The following PCDH15 variants were observed in gnomAD, a reference collection of about 807,000 sequenced individuals.
PCDH15 encodes protocadherin related 15.
A neutral mutation model predicts 178.5 loss-of-function variants in PCDH15; 129 were observed. The ratio of observed to expected loss-of-function variants is 0.72; its 90% CI spans 0.63 to 0.84. The LOEUF (loss-of-function observed/expected upper bound fraction) is 0.84. PCDH15 is among the 40% of genes least tolerant of loss of function. The probability of loss-of-function intolerance (pLI) is 0.00; values close to 1 mark genes in which losing one functional copy is unlikely to be tolerated. For synonymous variants in PCDH15, 800 were observed against 732.0 expected, an observed-to-expected ratio of 1.09 and a Z score of -1.50; for missense variants, 2,230 against 2,099.9, an observed-to-expected ratio of 1.06 and a Z score of -1.21.
At chr10:55,152,474 G>C (rs73263546) in intron 2 of PCDH15, among the ~76,000 whole-genome samples, 2,078 of 152,246 alleles carry the variant, frequency 0.014, 37 homozygotes, top group African/African-American at 0.045. Context: ...GAAAATGGTG[G>C]CAGATAAATT....
At chr10:54,836,483 C>G (rs1055902854) in intron 3 of PCDH15, among the ~76,000 whole-genome samples, 1 of 152,008 alleles carries the variant, frequency 6.6e-6, no homozygotes. Flanking sequence ...AAGTAATCCA[C>G]CCTATACTGC....
chr10:55,088,138 T>C (rs10763180), intron 2 of PCDH15, among the ~76,000 whole-genome samples: 12,543 of 152,158 alleles, frequency 0.082, 609 homozygotes, highest in East Asian at 0.22. Context: ...GAATTATCTA[T>C]GTCTATCATA....
intron 3 of PCDH15, among the ~76,000 whole-genome samples, chr10:54,814,286 G>A (rs543774425): frequency 1.3e-5 from 2 of 152,062 alleles, no homozygotes; most frequent in Non-Finnish European, 2.9e-5. Context: ...CATAATGACT[G>A]GCACAGAGCA....
chr10:54,148,496 C>T (rs1200526942), intron 14 of PCDH15, among the ~76,000 whole-genome samples: 4 of 151,918 alleles, frequency 2.6e-5, no homozygotes, highest in Non-Finnish European at 4.4e-5. Context: ...AAAAAGTCTG[C>T]GCATGTTCAG....
At chr10:55,269,974 G>A (rs1842398961) in intron 1 of PCDH15, among the ~76,000 whole-genome samples, 1 of 152,010 alleles carries the variant, frequency 6.6e-6, no homozygotes, top group Admixed American at 6.6e-5. Flanking sequence ...TGGAAATAAA[G>A]TTGAACAGTT....
At chr10:53,969,814 A>G (rs865837817) in intron 21 of PCDH15, among the ~76,000 whole-genome samples, 23 of 152,320 alleles carry the variant, frequency 1.5e-4, no homozygotes, top group African/African-American at 4.1e-4. Flanking sequence ...ATGCTGAGAT[A>G]TTTTGTCACC....
chr10:54,857,763 A>C (rs954779928), intron 3 of PCDH15, among the ~76,000 whole-genome samples: 1 of 152,064 alleles, frequency 6.6e-6, no homozygotes, highest in African/African-American at 2.4e-5. Flanking sequence ...AATAACTTTT[A>C]AAGTTGAATT....
At chr10:54,335,433 G>C (rs1252338346) in intron 6 of PCDH15, among the ~76,000 whole-genome samples, 1 of 152,166 alleles carries the variant, frequency 6.6e-6, no homozygotes, top group East Asian at 1.9e-4. Context: ...TATGGTTTGG[G>C]TGTGTCCTCA....
At chr10:54,742,061 A>G (rs552549086) in intron 1 of PCDH15, among the ~76,000 whole-genome samples, 4 of 152,050 alleles carry the variant, frequency 2.6e-5, no homozygotes, top group Non-Finnish European at 4.4e-5. Flanking sequence ...TCCTTTCCTC[A>G]TAACTTTTGT....
chr10:55,492,073 G>A (rs1194994876), intron 2 of PCDH15, among the ~76,000 whole-genome samples: 1 of 151,718 alleles, frequency 6.6e-6, no homozygotes, highest in African/African-American at 2.4e-5. Flanking sequence ...ATGGAGGAGT[G>A]ACTACCAGGA....
At chr10:53,883,934 T>C (rs956851092) in intron 26 of PCDH15, among the ~76,000 whole-genome samples, 1 of 152,170 alleles carries the variant, frequency 6.6e-6, no homozygotes, top group South Asian at 2.1e-4. Context: ...CAGGCTGGTC[T>C]TGAACTCCTG....
Position 54,250,917 on chromosome 10 carries a change from C to T in PCDH15, c.877-13986G>A, listed in dbSNP as rs1483632675. Among the ~76,000 whole-genome samples, 11 of 152,282 alleles carry T rather than the reference C, an allele frequency of 7.2e-5. No homozygotes were observed. In the East Asian group the frequency reaches 7.7e-4, roughly 11 times the overall value. On this transcript the variant is annotated intron_variant, in intron 8 of 37. Transcript: ENST00000644397. ...TGAGGGTTGAAAACCAACATGTATA[C>T]TTTTTGCATTACACATGTACTTTAA...
chr10:55,287,411 A>G (rs187937106), intron 1 of PCDH15, among the ~76,000 whole-genome samples: 25 of 152,202 alleles, frequency 1.6e-4, no homozygotes, highest in Admixed American at 1.5e-3. Flanking sequence ...AGCCAATACG[A>G]TCATGAAATG....
chr10:54,958,194 T>C (rs1838542172), intron 2 of PCDH15, among the ~76,000 whole-genome samples: 1 of 151,814 alleles, frequency 6.6e-6, no homozygotes, highest in South Asian at 2.1e-4. Context: ...TTCTTTGGTA[T>C]CTTCCATGTA....
chr10:54,414,244 T>C (rs762070655), intron 3 of PCDH15, among the ~76,000 whole-genome samples: 1 of 152,128 alleles, frequency 6.6e-6, no homozygotes, highest in Non-Finnish European at 1.5e-5. Context: ...CATATCATTA[T>C]CTTGAATGAG....
chr10:55,262,893 C>T (rs1842182388), intron 1 of PCDH15, among the ~76,000 whole-genome samples: 1 of 152,182 alleles, frequency 6.6e-6, no homozygotes, highest in Non-Finnish European at 1.5e-5. Context: ...AGAGCACACT[C>T]TAACACACGC....
chr10:54,356,646 T>G (rs1242011869), intron 5 of PCDH15, among the ~76,000 whole-genome samples: 1 of 151,888 alleles, frequency 6.6e-6, no homozygotes. Flanking sequence ...AAAGAAATAT[T>G]GTCTGACCAG....
rs1481871434 is a variant in PCDH15, at chr10:53,804,300, G to A, written c.*2279C>T. The A allele has an allele frequency of 6.6e-6, 1 of 151,892 alleles. No individual in the cohort carries two copies. The highest frequency in any genetic ancestry group is 6.6e-5 in the Admixed American group (1 of 15,224). The allele number at this position is 151,892 out of a possible 1,614,324, so 9.4% of individuals were successfully genotyped here. On this transcript the variant is annotated 3_prime_UTR_variant, in exon 38 of 38. Coordinates refer to ENST00000644397, the MANE Select transcript of PCDH15 (RefSeq NM_001384140.1). ...TTTTGCATATTTTCTCATAAAAAATGTAGTTTAAAATACAGTGACATCTCA... is the reference window on the plus strand; with the variant it reads ...TTTTGCATATTTTCTCATAAAAAATATAGTTTAAAATACAGTGACATCTCA...
chr10:55,123,917 C>T lies in PCDH15; in HGVS notation c.-80+42659G>A, dbSNP rs115936771. Among the ~76,000 whole-genome samples the T allele has an allele frequency of 8.1e-3, 1,234 of 152,166 alleles. 15 individuals carry two copies. Among genetic ancestry groups the T allele is most frequent in the African/African-American group, 0.027 (1,115 of 41,512 alleles). The stretch of plus-strand genomic sequence containing the variant: ...TTTCCCTTTGGCATCAACAGAGAAG[C>T]CCTGAGGCAAGAAGAAAGAGACATG... On this transcript the variant is annotated intron_variant, in intron 2 of 5. Coordinates refer to the PCDH15 transcript ENST00000458638.
Sources: allele counts gnomAD v4.1 joint callset (sites outside exome capture counted in the v4.1 genomes callset), GRCh38; gene constraint gnomAD v4.1.1; transcripts MANE v1.5; gene names NCBI Gene and HGNC (gene_info 2026-07-23, HGNC 2026-07-21).